The following MSRA variants were observed in gnomAD, a reference collection of about 807,000 sequenced individuals.
The protein encoded by MSRA is mitochondrial peptide methionine sulfoxide reductase.
MSRA carries 54 observed loss-of-function variants against 31.3 expected under a neutral mutation model. The ratio of observed to expected loss-of-function variants is 1.73; its 90% CI spans 1.39 to 2.17. The LOEUF (loss-of-function observed/expected upper bound fraction) is 2.17. Among genes scored for constraint, MSRA ranks in the 30% most tolerant of loss-of-function variants. The probability of loss-of-function intolerance (pLI) is 0.00; values close to 1 mark genes in which losing one functional copy is unlikely to be tolerated. For missense variants in MSRA, 507 were observed against 300.9 expected (o/e 1.69, Z -5.07); for synonymous variants, 169 against 116.5 (o/e 1.45, Z -2.90).
At chr8:10,110,223 A>AT (rs1392554700) in intron 1 of MSRA, among the ~76,000 whole-genome samples, 1 of 151,718 alleles carries the variant, frequency 6.6e-6, no homozygotes, top group Admixed American at 6.6e-5. Context: ...TTGAAACAAG[A>AT]AAGGTTTGGA....
At chr8:10,270,724 A>G (rs1798989378) in intron 3 of MSRA, among the ~76,000 whole-genome samples, 1 of 152,256 alleles carries the variant, frequency 6.6e-6, no homozygotes, top group Non-Finnish European at 1.5e-5. Context: ...GAGTATTGAC[A>G]CAATATTCAT....
intron 1 of MSRA, among the ~76,000 whole-genome samples, chr8:10,166,996 G>A (rs1039741426): frequency 6.6e-6 from 1 of 152,192 alleles, no homozygotes; most frequent in Non-Finnish European, 1.5e-5. Flanking sequence ...AGGATGAGGT[G>A]ACATGGAGAA....
intron 5 of MSRA, among the ~76,000 whole-genome samples, chr8:10,396,027 A>G (rs17151903): frequency 0.21 from 31,482 of 151,960 alleles, 4,662 homozygotes; most frequent in East Asian, 0.74. Context: ...GGAATTGCCC[A>G]TCTCTAAGGC....
chr8:10,414,106 G>C (rs935960082), intron 5 of MSRA, among the ~76,000 whole-genome samples: 1 of 152,158 alleles, frequency 6.6e-6, no homozygotes, highest in African/African-American at 2.4e-5. Flanking sequence ...GTTTGAGGCT[G>C]CAGTGAGCCG....
chr8:10,396,219 G>A (rs897324386), intron 5 of MSRA, among the ~76,000 whole-genome samples: 3 of 152,218 alleles, frequency 2.0e-5, no homozygotes, highest in Non-Finnish European at 2.9e-5. Context: ...CCTCCAGGAA[G>A]AAGCGTTTCC....
chr8:10,375,425 T>C (rs562714042), intron 5 of MSRA, among the ~76,000 whole-genome samples: 1 of 152,330 alleles, frequency 6.6e-6, no homozygotes, highest in South Asian at 2.1e-4. Flanking sequence ...CAAAACTGAA[T>C]TAATATGCTT....
In MSRA at chr8:10,105,758, T is replaced by C. The variant is rs147979372; in HGVS notation, c.142+51100T>C. Among the ~76,000 whole-genome samples the C allele has an allele frequency of 1.9e-3, 295 of 152,322 alleles. 2 individuals are homozygous for C. Among genetic ancestry groups the C allele is most frequent in the African/African-American group, 6.8e-3 (281 of 41,580 alleles). ...CACTGTTGGGGCAAGTGGATTGAGTTGTGGCTGAGGCTCCTTGTGTATCTT... is the reference window on the plus strand; with the variant it reads ...CACTGTTGGGGCAAGTGGATTGAGTCGTGGCTGAGGCTCCTTGTGTATCTT... On this transcript the variant is annotated intron_variant, in intron 1 of 5. Coordinates refer to ENST00000317173, the MANE Select transcript of MSRA (RefSeq NM_012331.5).
intron 5 of MSRA, among the ~76,000 whole-genome samples, chr8:10,374,219 A>G (rs1805632129): frequency 6.6e-6 from 1 of 152,216 alleles, no homozygotes; most frequent in African/African-American, 2.4e-5. Flanking sequence ...AAGCAAGTAC[A>G]GAAGTAAACT....
At chr8:10,405,811 G>T (rs111816922) in intron 5 of MSRA, among the ~76,000 whole-genome samples, 1 of 149,924 alleles carries the variant, frequency 6.7e-6, no homozygotes, top group South Asian at 2.1e-4. Flanking sequence ...ACATGCTCGC[G>T]TACACCCATG....
At chr8:10,077,580 C>A (rs1053666172) in intron 1 of MSRA, among the ~76,000 whole-genome samples, 1 of 147,874 alleles carries the variant, frequency 6.8e-6, no homozygotes, top group South Asian at 2.2e-4. Flanking sequence ...TCCTGAGTCT[C>A]TCTGAGTGTT....
chr8:10,206,705 C>CA (rs1231585690), intron 1 of MSRA, among the ~76,000 whole-genome samples: 1 of 152,244 alleles, frequency 6.6e-6, no homozygotes, highest in Non-Finnish European at 1.5e-5. Context: ...CCAGGAGTGG[C>CA]AGCGCCTTCT....
intron 1 of MSRA, among the ~76,000 whole-genome samples, chr8:10,188,332 A>G (rs190779655): frequency 5.9e-5 from 9 of 152,276 alleles, no homozygotes; most frequent in Admixed American, 3.3e-4. Context: ...ACTGTTCATC[A>G]CTCCAAAGAA....
chr8:10,068,834 T>A lies in MSRA; in HGVS notation c.142+14176T>A, dbSNP rs541362945. 3.3e-5 allele frequency among the ~76,000 whole-genome samples: 5 copies of A among 152,340 alleles called. No individual in the cohort carries two copies. In the South Asian group the frequency reaches 1.0e-3, roughly 32 times the overall value. On this transcript the variant is annotated intron_variant, in intron 1 of 5. Transcript: ENST00000317173. ...ACAAATAACTTGCTGGGATTTTGAT[T>A]GCAATGATAGGGTTGCACTGAATCT...
At chr8:10,341,414 G>A (rs997779505) in intron 5 of MSRA, among the ~76,000 whole-genome samples, 2 of 152,090 alleles carry the variant, frequency 1.3e-5, no homozygotes, top group Admixed American at 6.6e-5. Flanking sequence ...AGTGAAAGCC[G>A]ACTTATCACC....
chr8:10,315,891 T>C (rs1286182669), intron 4 of MSRA, among the ~76,000 whole-genome samples: 1 of 152,240 alleles, frequency 6.6e-6, no homozygotes, highest in Non-Finnish European at 1.5e-5. Context: ...CCACCATAAA[T>C]AGAATTTCCC....
At chr8:10,239,271 T>C (rs756815154) in intron 2 of MSRA, among the ~76,000 whole-genome samples, 3 of 152,110 alleles carry the variant, frequency 2.0e-5, no homozygotes, top group Non-Finnish European at 4.4e-5. Flanking sequence ...AAGCAATTCT[T>C]CTGCCTCAGC....
intron 1 of MSRA, among the ~76,000 whole-genome samples, chr8:10,100,710 G>A (rs1480954228): frequency 2.0e-5 from 3 of 152,254 alleles, no homozygotes; most frequent in African/African-American, 7.2e-5. Flanking sequence ...TAAAAGTTTG[G>A]CCGTGAGTTG....
chr8:10,408,365 T>C (rs1053132899), intron 5 of MSRA, among the ~76,000 whole-genome samples: 4 of 152,096 alleles, frequency 2.6e-5, no homozygotes, highest in Admixed American at 1.3e-4. Flanking sequence ...GGTGAAACCC[T>C]GTCTCTACCA....
At chr8:10,282,658 A>C (rs1053991253) in intron 3 of MSRA, among the ~76,000 whole-genome samples, 1 of 152,218 alleles carries the variant, frequency 6.6e-6, no homozygotes. Context: ...TGAGCTGAGC[A>C]TAAAGCAGGA....
Sources: allele counts gnomAD v4.1 joint callset (sites outside exome capture counted in the v4.1 genomes callset), GRCh38; gene constraint gnomAD v4.1.1; transcripts MANE v1.5; gene names NCBI Gene and HGNC (gene_info 2026-07-23, HGNC 2026-07-21).